Variants in LBP observed in about 807,000 individuals in gnomAD.
LBP encodes the protein lipopolysaccharide-binding protein.
A neutral mutation model predicts 56.6 loss-of-function variants in LBP; 53 were observed. That is an observed-to-expected ratio of 0.94 (90% CI 0.75 to 1.18). The LOEUF (loss-of-function observed/expected upper bound fraction) is 1.18, where lower values mean the gene tolerates loss of function less well. Ranked by LOEUF, LBP falls within the 50% of genes most tolerant of loss-of-function variation. The probability of loss-of-function intolerance (pLI) is 0.00; values close to 1 mark genes in which losing one functional copy is unlikely to be tolerated. For synonymous variants in LBP, 227 were observed against 247.5 expected (o/e 0.92, Z 0.78); for missense variants, 601 against 598.3 (o/e 1.00, Z -0.05).
At chr20:38,368,909 T>G in intron 9 of LBP, 86 bp from the exon 10 acceptor site, 3 of 1,377,552 alleles carry the variant, frequency 2.2e-6, no homozygotes, top group Non-Finnish European at 3.1e-6. Flanking sequence ...GAAAGCAACT[T>G]CCAGCTTTAT....
intron 3 of LBP, among the ~76,000 whole-genome samples, chr20:38,352,490 C>A (rs992195903): frequency 6.6e-6 from 1 of 152,222 alleles, no homozygotes; most frequent in African/African-American, 2.4e-5. Flanking sequence ...CACGGTGGCT[C>A]ATGCCTGTAA....
At chr20:38,361,022 C>T (rs1406043763) in intron 6 of LBP, among the ~76,000 whole-genome samples, 2 of 151,934 alleles carry the variant, frequency 1.3e-5, no homozygotes, top group Non-Finnish European at 2.9e-5. Flanking sequence ...ATTAGCCGGG[C>T]GTGGTGGCGC....
At chr20:38,372,989 C>T in intron 12 of LBP, 83 bp from the exon 13 acceptor site, 2 of 1,204,204 alleles carry the variant, frequency 1.7e-6, no homozygotes, top group Admixed American at 1.7e-5. Context: ...TTGCTTTTCC[C>T]AAGCGTTTTG....
At chr20:38,364,090 C>T (rs1221937501) in intron 7 of LBP, 24 bp downstream of exon 7, 20 of 1,531,090 alleles carry the variant, frequency 1.3e-5, no homozygotes, top group East Asian at 6.7e-5. Context: ...GGCCGGGCTG[C>T]GTGGGTGAGG....
chr20:38,355,185 G>A (rs1327899631), intron 4 of LBP, among the ~76,000 whole-genome samples, 161 bp from the exon 5 acceptor site: 1 of 152,258 alleles, frequency 6.6e-6, no homozygotes, highest in Non-Finnish European at 1.5e-5. Context: ...TGGGAAGCCA[G>A]ACACACCGAA....
intron 10 of LBP, 114 bp from the exon 11 acceptor site, chr20:38,370,624 G>A: frequency 2.2e-6 from 2 of 925,112 alleles, no homozygotes; most frequent in Non-Finnish European, 3.5e-6. Flanking sequence ...CAAATTTCCT[G>A]CTTTAGCTCA....
rs746671455 is a variant in LBP at position 38,364,690 on chromosome 20, A to G, written c.859A>G (p.Asn287Asp). 1 of 1,614,116 alleles carries G rather than the reference A, an allele frequency of 6.2e-7. No individual in the cohort carries two copies. The highest frequency in any genetic ancestry group is 8.5e-7 in the Non-Finnish European group (1 of 1,180,010). ...CTTTGCCATCTCGGATTATGTCTTC[A>G]ACACGGCCAGCCTGGTTTATCATGA... is the stretch of plus-strand genomic sequence containing the variant. ...VYFAISDYVF[N>D]TASLVYHEEG... Residue 287 changes from asparagine to aspartate, a missense_variant, in exon 8 of 15, where the codon AAC becomes GAC. By Grantham distance (23) the Asn-to-Asp change is conservative (BLOSUM62 1). Transcript: ENST00000217407.
intron 8 of LBP, among the ~76,000 whole-genome samples, chr20:38,365,946 G>A (rs1366948861): frequency 6.6e-6 from 1 of 152,066 alleles, no homozygotes; most frequent in African/African-American, 2.4e-5. Flanking sequence ...GATTCATGGT[G>A]AAAAGGAGAG....
At chr20:38,367,093 C>G (rs1273224509) in intron 9 of LBP, among the ~76,000 whole-genome samples, 2 of 152,154 alleles carry the variant, frequency 1.3e-5, no homozygotes, top group African/African-American at 2.4e-5. Flanking sequence ...AAAATGTACC[C>G]TAATGAACAG....
chr20:38,370,353 C>T (rs1020616378), intron 10 of LBP, among the ~76,000 whole-genome samples: 5 of 151,974 alleles, frequency 3.3e-5, no homozygotes, highest in African/African-American at 7.3e-5. Context: ...TCCAGCTGGG[C>T]GACAGACAGA....
intron 5 of LBP, among the ~76,000 whole-genome samples, 160 bp from the exon 6 acceptor site, chr20:38,360,544 T>C (rs1245974468): frequency 1.3e-5 from 2 of 152,166 alleles, no homozygotes; most frequent in African/African-American, 4.8e-5. Flanking sequence ...GTTTTATTGT[T>C]TGTATTTCCT....
intron 6 of LBP, among the ~76,000 whole-genome samples, chr20:38,363,253 A>C (rs2076867877): frequency 6.6e-6 from 1 of 152,190 alleles, no homozygotes; most frequent in South Asian, 2.1e-4. Flanking sequence ...CCTGCCAAAC[A>C]GTTTTCCAAA....
At chr20:38,351,791 C>G (rs568722506) in intron 3 of LBP, among the ~76,000 whole-genome samples, 1 of 152,018 alleles carries the variant, frequency 6.6e-6, no homozygotes, top group Non-Finnish European at 1.5e-5. Flanking sequence ...GAGGCTGAGG[C>G]GGGAAGATCA....
intron 5 of LBP, among the ~76,000 whole-genome samples, chr20:38,359,756 A>G (rs1190920473): frequency 6.6e-6 from 1 of 152,226 alleles, no homozygotes; most frequent in Non-Finnish European, 1.5e-5. Flanking sequence ...AGGCTGCATC[A>G]TAAATAATTC....
At chr20:38,349,118 T>A (rs2076811510) in intron 1 of LBP, among the ~76,000 whole-genome samples, 1 of 152,178 alleles carries the variant, frequency 6.6e-6, no homozygotes, top group South Asian at 2.1e-4. Context: ...CATTGCTATT[T>A]GACAGATGAA....
At chr20:38,355,669 T>G (rs775289094) in intron 5 of LBP, among the ~76,000 whole-genome samples, 1 of 152,082 alleles carries the variant, frequency 6.6e-6, no homozygotes, top group Non-Finnish European at 1.5e-5. Flanking sequence ...AAACAGAGAC[T>G]CCAGCCCCTC....
intron 3 of LBP, 119 bp from the exon 4 acceptor site, chr20:38,354,165 C>G (rs2076830162): frequency 1.3e-6 from 1 of 780,144 alleles, no homozygotes; most frequent in Non-Finnish European, 2.0e-6. Context: ...ATTTGTTATT[C>G]TTAAATCTCT....
At chr20:38,348,717 T>C (rs2076809482) in intron 1 of LBP, among the ~76,000 whole-genome samples, 1 of 150,694 alleles carries the variant, frequency 6.6e-6, no homozygotes, top group South Asian at 2.1e-4. Context: ...CCTTCTTGCT[T>C]TGCAGTTTCA....
intron 5 of LBP, among the ~76,000 whole-genome samples, chr20:38,357,808 G>T (rs1568829905): frequency 6.6e-6 from 1 of 152,210 alleles, no homozygotes; most frequent in Non-Finnish European, 1.5e-5. Flanking sequence ...TCCCAGAACT[G>T]AGGGTTCCTT....
Sources: allele counts gnomAD v4.1 joint callset (sites outside exome capture counted in the v4.1 genomes callset), GRCh38; gene constraint gnomAD v4.1.1; transcripts MANE v1.5; gene names NCBI Gene and HGNC (gene_info 2026-07-23, HGNC 2026-07-21).